TPT1: variants seen among roughly 807,000 people sequenced by gnomAD.
TPT1 encodes translationally-controlled tumor protein.
In TPT1, 5 loss-of-function variants were observed where a neutral mutation model predicts 22.8. That is an observed-to-expected ratio of 0.22 (90% CI 0.11 to 0.46). The LOEUF is 0.46. Ranked by LOEUF, TPT1 falls within the 20% of genes least tolerant of loss-of-function variation. The probability of loss-of-function intolerance (pLI) is 0.99; values close to 1 mark genes in which losing one functional copy is unlikely to be tolerated. For missense variants in TPT1, 130 were observed against 218.7 expected (o/e 0.59, Z 2.56); for synonymous variants, 89 against 73.6 (o/e 1.21, Z -1.07).
chr13:45,338,908 G>C (rs865932443), intron 4 of TPT1, 132 bp from the exon 5 acceptor site: 3 of 682,430 alleles, frequency 4.4e-6, no homozygotes, highest in Non-Finnish European at 7.2e-6. Flanking sequence ...AAGCTCTGAT[G>C]CTCACTTATC....
Position 45,333,652 on chromosome 13 carries a change from G to GT in TPT1, c.*3733dup, listed in dbSNP as rs1878505930. On this transcript the variant is annotated 3_prime_UTR_variant, in exon 6 of 6. Coordinates refer to ENST00000530705, the MANE Select transcript of TPT1 (RefSeq NM_003295.4). ...TTGAAACTCCTAATGATCCAAATGA[G>GT]TAATTCACACCTATTACTGAAGCAG... 1 of 152,170 alleles carries GT rather than the reference G, an allele frequency of 6.6e-6. No homozygotes were observed. The highest frequency in any genetic ancestry group is 1.5e-5 in the Non-Finnish European group (1 of 68,042). The allele number at this position is 152,170 out of a possible 1,614,324, so 9.4% of individuals were successfully genotyped here.
chr13:45,337,495 T>A (rs1878779215), intron 5 of TPT1, 107 bp from the exon 6 acceptor site: 1 of 1,614,000 alleles, frequency 6.2e-7, no homozygotes, highest in Non-Finnish European at 8.5e-7. Flanking sequence ...TATTCCCCAA[T>A]TCAATCTGGG....
intron 5 of TPT1, chr13:45,337,614 C>G (rs762833211): frequency 5.1e-6 from 8 of 1,558,876 alleles, no homozygotes; most frequent in Non-Finnish European, 7.0e-6. Context: ...ATGCAGAACA[C>G]CCTTACCAAA....
rs1466010259 is a variant in TPT1, at chr13:45,335,276, TA to T, written c.*2109del. The T allele has an allele frequency of 6.6e-6, 1 of 152,192 alleles. No individual in the cohort carries two copies. Among genetic ancestry groups the T allele is most frequent in the East Asian group, 1.9e-4 (1 of 5,198 alleles). 9.4% of individuals were successfully genotyped at this position (152,192 alleles called of 1,614,324 possible). On this transcript the variant is annotated 3_prime_UTR_variant, in exon 6 of 6. Transcript: ENST00000530705. The stretch of plus-strand genomic sequence containing the variant: ...CAGCTGGGGTTCATCACTTCTGACT[TA>T]AATAGACATGATAAAATGCTATGTC...
At position 45,334,510 on chromosome 13, in the gene TPT1, C is replaced by T. The variant is rs1878553884; in HGVS notation, c.*2876G>A. ...CCAAAACTAACAAAACTAAACTCGA[C>T]TTCCCACCTCAGTGCCAACTTTCTT... On this transcript the variant is annotated 3_prime_UTR_variant, in exon 6 of 6. Coordinates refer to ENST00000530705, the MANE Select transcript of TPT1 (RefSeq NM_003295.4). 6.6e-6 allele frequency: 1 copy of T among 152,220 alleles called. No homozygotes were observed. The highest frequency in any genetic ancestry group is 2.1e-4 in the South Asian group (1 of 4,832). The allele number at this position is 152,220 out of a possible 1,614,324, so 9.4% of individuals were successfully genotyped here.
At position 45,334,559 on chromosome 13, in the gene TPT1, T is replaced by TGATA. The variant is rs1342088569; in HGVS notation, c.*2826_*2827insTATC. ...TTCCAAACGCTCAGACCAAAATACTTGTATCAACATTAAATCCATCCTCAC... is the reference window on the plus strand; with the variant it reads ...TTCCAAACGCTCAGACCAAAATACTTGATAGTATCAACATTAAATCCATCCTCAC... On this transcript the variant is annotated 3_prime_UTR_variant, in exon 6 of 6. Coordinates refer to ENST00000530705, the MANE Select transcript of TPT1 (RefSeq NM_003295.4). 3 of 152,186 alleles carry TGATA rather than the reference T, an allele frequency of 2.0e-5. No individual in the cohort carries two copies. The highest frequency in any genetic ancestry group is 2.9e-5 in the Non-Finnish European group (2 of 68,044). The allele number at this position is 152,186 out of a possible 1,614,324, so 9.4% of individuals were successfully genotyped here. A position where few individuals can be genotyped will look rare whatever the true frequency, so the allele number is the denominator to read the frequency against.
rs1247570083 is a variant in TPT1, at chr13:45,340,059, A to G, written c.228T>C (p.His76=). The G allele has an allele frequency of 1.9e-6, 3 of 1,613,990 alleles. No individual in the cohort carries two copies. The highest frequency in any genetic ancestry group is 1.6e-4 in the Middle Eastern group (1 of 6,084). Residue 76 remains histidine (H), a synonymous_variant, in exon 3 of 6, where the codon CAT becomes CAC. Transcript: ENST00000530705. ...VITGVDIVMN[H]HLQETSFTKE... ...TTGTGAAACTTGTTTCCTGCAGGTG[A>G]TGGTTCATGACAATATCGACACCAG...
chr13:45,340,574 A>C, intron 2 of TPT1, 138 bp downstream of exon 2: 2 of 1,086,520 alleles, frequency 1.8e-6, no homozygotes, highest in Non-Finnish European at 2.7e-6. Flanking sequence ...CCAGTTTTCT[A>C]GAAAAACCCA....
chr13:45,338,244 C>T (rs1040159457), intron 5 of TPT1: 6 of 183,568 alleles, frequency 3.3e-5, no homozygotes, highest in Admixed American at 6.2e-5. Flanking sequence ...CTCAGGCTCT[C>T]GATTAGCTGG....
chr13:45,337,733 A>C, intron 5 of TPT1: 1 of 634,110 alleles, frequency 1.6e-6, no homozygotes, highest in Non-Finnish European at 2.8e-6. Context: ...AAGTCATCTT[A>C]TACTGTTCTA....
At chr13:45,339,364 A>G in intron 4 of TPT1, 133 bp downstream of exon 4, 1 of 646,490 alleles carries the variant, frequency 1.5e-6, no homozygotes. Flanking sequence ...CAAGATTTGG[A>G]AACACCTGCG....
Position 45,337,534 on chromosome 13 carries a change from G to A in TPT1, c.517-146C>T, listed in dbSNP as rs1162601963. ...CCACAAAGACAGACAGAAAGCGCAG[G>A]GATTTCTTTCTTTTGCATCCTAGTG... is the stretch of plus-strand genomic sequence containing the variant. On this transcript the variant is annotated intron_variant, in intron 5 of 5. Transcript: ENST00000530705. The A allele has an allele frequency of 5.0e-6, 8 of 1,612,886 alleles. No individual in the cohort carries two copies. In the African/African-American group the frequency reaches 8.0e-5, roughly 16 times the overall value.
rs1878525761 is a variant in TPT1, at chr13:45,333,968, G to C, written c.*3418C>G. ...AATTTTTAAACTTTTTTCAGATAGT[G>C]TCTCACTGCCGCCCAGGCTGGAGTG... is the stretch of plus-strand genomic sequence containing the variant. On this transcript the variant is annotated 3_prime_UTR_variant, in exon 6 of 6. Transcript: ENST00000530705. The C allele has an allele frequency of 6.6e-6, 1 of 152,148 alleles. No individual in the cohort carries two copies. The highest frequency in any genetic ancestry group is 2.4e-5 in the African/African-American group (1 of 41,420). 9.4% of individuals were successfully genotyped at this position (152,148 alleles called of 1,614,324 possible). A position where few individuals can be genotyped will look rare whatever the true frequency, so the allele number is the denominator to read the frequency against.
rs1201391940 is a variant in TPT1, at chr13:45,334,719, C to G, written c.*2667G>C. On this transcript the variant is annotated 3_prime_UTR_variant, in exon 6 of 6. Coordinates refer to ENST00000530705, the MANE Select transcript of TPT1 (RefSeq NM_003295.4). Reference sequence around the variant, plus strand: ...TGCTTTTACCCTGCCACCTGGCAGCCAAAGTGATCCTTTAAAAATTTGAGT... The same window carrying G: ...TGCTTTTACCCTGCCACCTGGCAGCGAAAGTGATCCTTTAAAAATTTGAGT... 1 of 150,858 alleles carries G rather than the reference C, an allele frequency of 6.6e-6. No homozygotes were observed. Among genetic ancestry groups the G allele is most frequent in the Non-Finnish European group, 1.5e-5 (1 of 68,042 alleles). 9.3% of individuals were successfully genotyped at this position (150,858 alleles called of 1,614,324 possible).
rs756900111 is a variant in TPT1 at position 45,335,502 on chromosome 13, C to G, written c.*1884G>C. The stretch of plus-strand genomic sequence containing the variant: ...TTAGCTTCCATCTCTCACCTCAAGG[C>G]CTTCTTCACTATCCTGGTTTCCCCA... On this transcript the variant is annotated 3_prime_UTR_variant, in exon 6 of 6. Coordinates refer to ENST00000530705, the MANE Select transcript of TPT1 (RefSeq NM_003295.4). 6.6e-6 allele frequency: 1 copy of G among 152,214 alleles called. No homozygotes were observed. Among genetic ancestry groups the G allele is most frequent in the South Asian group, 2.1e-4 (1 of 4,834 alleles). 9.4% of individuals were successfully genotyped at this position (152,214 alleles called of 1,614,324 possible).
At chr13:45,338,848 G>C in intron 4 of TPT1, 72 bp from the exon 5 acceptor site, 1 of 1,300,868 alleles carries the variant, frequency 7.7e-7, no homozygotes. Flanking sequence ...ACAAACTACA[G>C]TACAAGGGAA....
intron 2 of TPT1, 197 bp downstream of exon 2, chr13:45,340,515 G>A: frequency 1.3e-6 from 1 of 779,424 alleles, no homozygotes; most frequent in South Asian, 1.5e-5. Flanking sequence ...ACCCCGGGAG[G>A]AGGATGGGCG....
At chr13:45,340,251 T>G in intron 2 of TPT1, 67 bp from the exon 3 acceptor site, 1 of 1,525,796 alleles carries the variant, frequency 6.6e-7, no homozygotes, top group East Asian at 2.3e-5. Context: ...TCCACGCCAA[T>G]AGTTCACGGA....
Position 45,333,648 on chromosome 13 carries a change from ATGAG to A in TPT1, c.*3734_*3737del, listed in dbSNP as rs1593550731. ...GATTTTGAAACTCCTAATGATCCAA[ATGAG>A]TAATTCACACCTATTACTGAAGCAG... On this transcript the variant is annotated 3_prime_UTR_variant, in exon 6 of 6. Transcript: ENST00000530705. 6.6e-6 allele frequency: 1 copy of A among 152,206 alleles called. No homozygotes were observed. The highest frequency in any genetic ancestry group is 2.4e-5 in the African/African-American group (1 of 41,452). The allele number at this position is 152,206 out of a possible 1,614,324, so 9.4% of individuals were successfully genotyped here. A position where few individuals can be genotyped will look rare whatever the true frequency, so the allele number is the denominator to read the frequency against.
Sources: gnomAD v4.1 joint callset for allele counts on GRCh38, gnomAD v4.1.1 for gene constraint, MANE v1.5 for transcripts, NCBI Gene and HGNC (gene_info 2026-07-23, HGNC 2026-07-21) for gene names.